Variants in RAB27B observed in about 807,000 individuals in gnomAD.
RAB27B encodes the protein RAB27B, member RAS oncogene family.
A neutral mutation model predicts 24.6 loss-of-function variants in RAB27B; 15 were observed. That is an observed-to-expected ratio of 0.61 (90% CI 0.41 to 0.94). RAB27B has a LOEUF of 0.94. Ranked by LOEUF, RAB27B falls within the 40% of genes least tolerant of loss-of-function variation. The pLI is 0.00. For missense variants in RAB27B, 261 were observed against 266.8 expected, an observed-to-expected ratio of 0.98 and a Z score of 0.15; for synonymous variants, 105 against 92.5, an observed-to-expected ratio of 1.14 and a Z score of -0.78.
chr18:54,788,857 C>G (rs935045412), intron 2 of RAB27B, among the ~76,000 whole-genome samples: 98 of 152,098 alleles, frequency 6.4e-4, no homozygotes, highest in African/African-American at 2.3e-3. Flanking sequence ...TGGATTTGGT[C>G]AGTATCTCAC....
At chr18:54,877,136 G>T (rs780679638) in intron 1 of RAB27B, among the ~76,000 whole-genome samples, 3 of 152,032 alleles carry the variant, frequency 2.0e-5, no homozygotes, top group Non-Finnish European at 2.9e-5. Flanking sequence ...GTTTTATAAG[G>T]GGCTTACCCC....
intron 2 of RAB27B, among the ~76,000 whole-genome samples, chr18:54,761,066 T>C (rs1396682973): frequency 2.6e-5 from 4 of 151,886 alleles, no homozygotes; most frequent in Non-Finnish European, 1.5e-5. Flanking sequence ...GGATAATTTA[T>C]AGTATTTCAT....
chr18:54,728,804 G>A (rs1247451712), intron 2 of RAB27B, among the ~76,000 whole-genome samples: 2 of 137,594 alleles, frequency 1.5e-5, no homozygotes, highest in East Asian at 4.4e-4. Flanking sequence ...TTAACCAGGG[G>A]GACAGAGGTT....
In RAB27B at chr18:54,877,555, T is replaced by C; in HGVS notation, c.-19-12T>C. 1 of 1,362,494 alleles carries C rather than the reference T, an allele frequency of 7.3e-7. No homozygotes were observed. Among genetic ancestry groups the C allele is most frequent in the Non-Finnish European group, 9.6e-7 (1 of 1,046,412 alleles). The allele number at this position is 1,362,494 out of a possible 1,614,324, so 84.4% of individuals were successfully genotyped here. ...TTAATCAAAACATACTTGTTTTCCC[T>C]CTCCTATACAGACCGACCAAGACCA... is the stretch of plus-strand genomic sequence containing the variant. On this transcript the variant is annotated splice_polypyrimidine_tract_variant and intron_variant, in intron 1 of 5. Coordinates refer to ENST00000262094, the MANE Select transcript of RAB27B (RefSeq NM_004163.4).
At chr18:54,799,047 G>T (rs1485496937) in intron 2 of RAB27B, among the ~76,000 whole-genome samples, 1 of 152,084 alleles carries the variant, frequency 6.6e-6, no homozygotes, top group Non-Finnish European at 1.5e-5. Context: ...AATTACTATT[G>T]TCATTGATCT....
intron 1 of RAB27B, among the ~76,000 whole-genome samples, chr18:54,873,048 G>GCATATAT (rs1287600161): frequency 6.6e-6 from 1 of 152,116 alleles, no homozygotes; most frequent in African/African-American, 2.4e-5. Flanking sequence ...TTCTGTTTCT[G>GCATATAT]CATATATCCA....
chr18:54,780,959 T>C (rs1908897617), intron 2 of RAB27B, among the ~76,000 whole-genome samples: 2 of 152,230 alleles, frequency 1.3e-5, no homozygotes, highest in African/African-American at 2.4e-5. Context: ...ACACCCATGG[T>C]TATACCAATG....
Position 54,895,405 on chromosome 18 carries a change from T to C in RAB27B, c.*5992T>C, listed in dbSNP as rs568025984. ...ACCAAAGTTCTAGTGGCTTCAGAAA[T>C]CATAGCATCCAATGATTTTTTGGTG... On this transcript the variant is annotated 3_prime_UTR_variant, in exon 6 of 6. Coordinates refer to ENST00000262094, the MANE Select transcript of RAB27B (RefSeq NM_004163.4). 1.3e-5 allele frequency: 2 copies of C among 152,274 alleles called. No individual in the cohort carries two copies. The highest frequency in any genetic ancestry group is 2.4e-5 in the African/African-American group (1 of 41,574). 9.4% of individuals were successfully genotyped at this position (152,274 alleles called of 1,614,324 possible).
intron 2 of RAB27B, among the ~76,000 whole-genome samples, chr18:54,728,450 G>A (rs1482688342): frequency 6.6e-6 from 1 of 152,122 alleles, no homozygotes; most frequent in South Asian, 2.1e-4. Flanking sequence ...CCTCTACCTA[G>A]CAAAATTAAA....
chr18:54,800,551 T>C (rs1167282071), intron 2 of RAB27B, among the ~76,000 whole-genome samples: 1 of 152,244 alleles, frequency 6.6e-6, no homozygotes, highest in Non-Finnish European at 1.5e-5. Flanking sequence ...TCATTACAAC[T>C]ATTCATCTCT....
intron 2 of RAB27B, among the ~76,000 whole-genome samples, chr18:54,779,532 A>G (rs1225146697): frequency 6.6e-6 from 1 of 152,170 alleles, no homozygotes; most frequent in Non-Finnish European, 1.5e-5. Flanking sequence ...TTACTAGGAC[A>G]TGACCAAACT....
At chr18:54,888,618 A>T (rs1321045956) in intron 5 of RAB27B, among the ~76,000 whole-genome samples, 1 of 150,006 alleles carries the variant, frequency 6.7e-6, no homozygotes, top group African/African-American at 2.4e-5. Context: ...TGGCAGCTTA[A>T]AAAAAAAAAC....
intron 2 of RAB27B, among the ~76,000 whole-genome samples, chr18:54,755,814 G>C (rs1435179639): frequency 1.3e-5 from 2 of 152,202 alleles, no homozygotes; most frequent in African/African-American, 4.8e-5. Context: ...AAATGAATGT[G>C]TAGGAAAATC....
intron 2 of RAB27B, among the ~76,000 whole-genome samples, chr18:54,741,697 C>T (rs1215871703): frequency 6.6e-6 from 1 of 151,972 alleles, no homozygotes; most frequent in African/African-American, 2.4e-5. Context: ...GAGAGAGGGT[C>T]TCACCATGTT....
At chr18:54,740,777 C>T (rs1196733701) in intron 2 of RAB27B, among the ~76,000 whole-genome samples, 2 of 152,158 alleles carry the variant, frequency 1.3e-5, no homozygotes, top group East Asian at 3.8e-4. Flanking sequence ...CAGTATATAG[C>T]AGGCTCTCAC....
intron 1 of RAB27B, among the ~76,000 whole-genome samples, chr18:54,863,330 A>G (rs899960604): frequency 1.3e-5 from 2 of 152,212 alleles, no homozygotes; most frequent in African/African-American, 4.8e-5. Flanking sequence ...TGGCCTATAG[A>G]TAAAATGTAT....
chr18:54,865,845 T>G (rs2311124), intron 1 of RAB27B, among the ~76,000 whole-genome samples: 147,648 of 152,284 alleles, frequency 0.97, 71,735 homozygotes, highest in East Asian at 1. Context: ...CTCTCAGCTG[T>G]TTATCAGGAT....
chr18:54,725,191 A>G (rs1052025118), intron 2 of RAB27B, among the ~76,000 whole-genome samples: 3 of 151,628 alleles, frequency 2.0e-5, no homozygotes, highest in African/African-American at 7.3e-5. Context: ...CTTTAAAAGA[A>G]AAATGGAAAG....
At chr18:54,838,858 C>T (rs192084022) in intron 1 of RAB27B, among the ~76,000 whole-genome samples, 12 of 152,194 alleles carry the variant, frequency 7.9e-5, no homozygotes, top group Admixed American at 6.5e-4. Context: ...TGCTGATCTT[C>T]TATGTTATCT....
Sources: allele counts gnomAD v4.1 joint callset (sites outside exome capture counted in the v4.1 genomes callset), GRCh38; gene constraint gnomAD v4.1.1; transcripts MANE v1.5; gene names NCBI Gene and HGNC (gene_info 2026-07-23, HGNC 2026-07-21).